Variants in BABAM2 observed in about 807,000 individuals in gnomAD.
BABAM2 encodes the protein BRISC and BRCA1 A complex member 2.
BABAM2 carries 31 observed loss-of-function variants against 54.7 expected under a neutral mutation model. The ratio of observed to expected loss-of-function variants is 0.57; its 90% CI spans 0.43 to 0.77. The LOEUF is 0.77. BABAM2 is among the 30% of genes least tolerant of loss of function. The pLI is 0.00. For missense variants in BABAM2, 364 were observed against 455.8 expected (o/e 0.80, Z 1.83); for synonymous variants, 167 against 162.9 (o/e 1.03, Z -0.19).
intron 4 of BABAM2, among the ~76,000 whole-genome samples, chr2:28,021,942 G>C (rs1675302026): frequency 6.6e-6 from 1 of 152,130 alleles, no homozygotes; most frequent in African/African-American, 2.4e-5. Context: ...CTAAATTTGT[G>C]GCACTGTGGC....
intron 3 of BABAM2, among the ~76,000 whole-genome samples, chr2:27,953,557 G>A (rs1038344508): frequency 6.6e-6 from 1 of 151,678 alleles, no homozygotes; most frequent in African/African-American, 2.4e-5. Flanking sequence ...TTCCCAAAGT[G>A]CTGGGATTAT....
chr2:27,983,692 C>G (rs753303076), intron 3 of BABAM2, among the ~76,000 whole-genome samples: 1 of 151,900 alleles, frequency 6.6e-6, no homozygotes, highest in African/African-American at 2.4e-5. Flanking sequence ...TAAGTTTATT[C>G]CTAAGTATTT....
At chr2:28,237,139 G>A in intron 7 of BABAM2, 63 bp from the exon 8 acceptor site, 1 of 1,404,710 alleles carries the variant, frequency 7.1e-7, no homozygotes, top group Non-Finnish European at 1.0e-6. Flanking sequence ...TCTGCTTGGG[G>A]GTGTCACTTC....
intron 10 of BABAM2, among the ~76,000 whole-genome samples, chr2:28,290,333 A>G (rs1369204163): frequency 6.6e-6 from 1 of 152,176 alleles, no homozygotes; most frequent in African/African-American, 2.4e-5. Flanking sequence ...TAGTTTCTTA[A>G]GAGTGGAATT....
intron 10 of BABAM2, among the ~76,000 whole-genome samples, chr2:28,285,737 CT>C (rs931182085): frequency 0.023 from 3,301 of 143,724 alleles, 107 homozygotes; most frequent in African/African-American, 0.07. Context: ...GCAAATAAGT[CT>C]TTTTTTTTTT....
At chr2:28,132,115 C>T (rs1029249488) in intron 7 of BABAM2, among the ~76,000 whole-genome samples, 14 of 151,488 alleles carry the variant, frequency 9.2e-5, no homozygotes, top group Non-Finnish European at 1.8e-4. Context: ...TCATGTCCTT[C>T]CTCCCTTTTT....
At chr2:28,043,327 C>T (rs1215400704) in intron 5 of BABAM2, among the ~76,000 whole-genome samples, 2 of 151,880 alleles carry the variant, frequency 1.3e-5, no homozygotes, top group African/African-American at 4.8e-5. Context: ...GACGGGGTTT[C>T]ACCATATTGG....
chr2:27,940,623 C>CAGTTTGCTAACATTGGT (rs11274834), intron 3 of BABAM2, among the ~76,000 whole-genome samples: 111,521 of 151,888 alleles, frequency 0.73, 42,049 homozygotes, highest in Middle Eastern at 0.88. Context: ...GTAAATCAAA[C>CAGTTTGCTAACATTGGT]AGTTTGCTAA....
At chr2:28,311,610 T>C (rs1194615206) in intron 11 of BABAM2, among the ~76,000 whole-genome samples, 1 of 152,208 alleles carries the variant, frequency 6.6e-6, no homozygotes, top group East Asian at 1.9e-4. Flanking sequence ...CTAGGGACCA[T>C]TATTAATTTC....
intron 6 of BABAM2, among the ~76,000 whole-genome samples, chr2:28,125,125 C>T (rs1462038746): frequency 6.6e-6 from 1 of 152,038 alleles, no homozygotes; most frequent in Non-Finnish European, 1.5e-5. Flanking sequence ...GTTGCTCAGC[C>T]TCATTCATTG....
intron 3 of BABAM2, among the ~76,000 whole-genome samples, chr2:27,942,339 A>T (rs1668952875): frequency 6.6e-6 from 1 of 152,016 alleles, no homozygotes; most frequent in Non-Finnish European, 1.5e-5. Flanking sequence ...TTGCTTTGTT[A>T]TACCGTGCTA....
Position 27,890,740 on chromosome 2 carries a change from C to T in BABAM2, c.-127C>T, listed in dbSNP as rs1230929661. ...GCGGGACGTCCGGGGAGTGCGCACG[C>T]ATCCTGCCCGCGGCGCGCGCGCAGG... is the stretch of plus-strand genomic sequence containing the variant. On this transcript the variant is annotated 5_prime_UTR_variant, in exon 1 of 12. Coordinates refer to ENST00000379624, the MANE Select transcript of BABAM2 (RefSeq NM_199191.3). This position sits in a 1 kb window ranked among gnomAD's most constrained non-coding sequence, Gnocchi z 4.8. 1 of 154,076 alleles carries T rather than the reference C, an allele frequency of 6.5e-6. No individual in the cohort carries two copies. The highest frequency in any genetic ancestry group is 2.4e-5 in the African/African-American group (1 of 41,450). The allele number at this position is 154,076 out of a possible 1,614,324, so 9.5% of individuals were successfully genotyped here. A position where few individuals can be genotyped will look rare whatever the true frequency, so the allele number is the denominator to read the frequency against.
intron 7 of BABAM2, among the ~76,000 whole-genome samples, chr2:28,210,708 A>G (rs190847238): frequency 1.5e-4 from 23 of 152,332 alleles, no homozygotes; most frequent in Admixed American, 8.5e-4. Context: ...AATAGTGCCA[A>G]TGGAAGGTCC....
intron 6 of BABAM2, among the ~76,000 whole-genome samples, chr2:28,113,387 C>A (rs1387890660): frequency 6.6e-6 from 1 of 152,114 alleles, no homozygotes; most frequent in Non-Finnish European, 1.5e-5. Flanking sequence ...GCCAGTTTTC[C>A]CAACGCTATG....
chr2:27,938,422 C>T (rs1334017757), intron 3 of BABAM2, among the ~76,000 whole-genome samples: 1 of 151,508 alleles, frequency 6.6e-6, no homozygotes, highest in Non-Finnish European at 1.5e-5. Flanking sequence ...GACAGAATCT[C>T]GCTCTGTCCC....
intron 10 of BABAM2, among the ~76,000 whole-genome samples, chr2:28,297,105 G>T (rs996073602): frequency 2.0e-5 from 3 of 152,176 alleles, no homozygotes; most frequent in African/African-American, 7.2e-5. Flanking sequence ...TGAATGAGTC[G>T]TAAGCAGGTT....
At chr2:28,110,227 T>C (rs1309634019) in intron 6 of BABAM2, among the ~76,000 whole-genome samples, 1 of 152,196 alleles carries the variant, frequency 6.6e-6, no homozygotes, top group African/African-American at 2.4e-5. Flanking sequence ...TGGATAATAT[T>C]CCATATATGT....
At chr2:28,053,967 GT>G (rs1053631386) in intron 6 of BABAM2, among the ~76,000 whole-genome samples, 1 of 152,044 alleles carries the variant, frequency 6.6e-6, no homozygotes, top group Non-Finnish European at 1.5e-5. Flanking sequence ...ACATCACTAT[GT>G]TTTTCATGAA....
At chr2:27,936,175 C>T (rs971854172) in intron 3 of BABAM2, among the ~76,000 whole-genome samples, 1 of 152,182 alleles carries the variant, frequency 6.6e-6, no homozygotes, top group Non-Finnish European at 1.5e-5. Context: ...CCACCTTCGC[C>T]TCCCAAAGTG....
Sources: gnomAD v4.1 joint callset for allele counts (sites outside exome capture counted in the v4.1 genomes callset) on GRCh38, gnomAD v4.1.1 for gene constraint, Gnocchi (gnomAD v3.1) non-coding constraint, MANE v1.5 for transcripts, NCBI Gene and HGNC (gene_info 2026-07-23, HGNC 2026-07-21) for gene names.